TCP1: variants seen among roughly 807,000 people sequenced by gnomAD.
TCP1 encodes T-complex protein 1 subunit alpha.
Under a neutral mutation model 54.7 loss-of-function variants are expected in TCP1, and 6 were observed. The observed-to-expected ratio is 0.11, with a 90% confidence interval of 0.06 to 0.22. TCP1 has a LOEUF of 0.22. TCP1 is among the 10% of genes least tolerant of loss of function. The pLI is 1.00. For synonymous variants in TCP1, 225 were observed against 229.7 expected, an observed-to-expected ratio of 0.98 and a Z score of 0.19; for missense variants, 511 against 678.2, an observed-to-expected ratio of 0.75 and a Z score of 2.74.
chr6:159,788,302 A>T, intron 1 of TCP1, 159 bp from the exon 2 acceptor site: 1 of 638,238 alleles, frequency 1.6e-6, no homozygotes. Flanking sequence ...CTAAGAGTGT[A>T]AATGGGGCCA....
intron 1 of TCP1, chr6:159,788,728 A>G (rs1276772415): frequency 6.5e-6 from 1 of 152,976 alleles, no homozygotes; most frequent in Non-Finnish European, 1.5e-5. Context: ...GTCAACGGGG[A>G]AGGTGGTGAC....
intron 11 of TCP1, 89 bp from the exon 12 acceptor site, chr6:159,779,350 G>T: frequency 8.0e-7 from 1 of 1,243,454 alleles, no homozygotes; most frequent in Non-Finnish European, 1.2e-6. Context: ...TATTAAGGTT[G>T]ATTTTTAAAT....
chr6:159,778,880 T>TAG lies in TCP1; in HGVS notation c.*163_*164dup. ...ATTTCTTTTTAAACTAATAAAGTACTAGGTTGCAATATGTGAAATCAGAGG... is the reference window on the plus strand; with the variant it reads ...ATTTCTTTTTAAACTAATAAAGTACTAGAGGTTGCAATATGTGAAATCAGAGG... On this transcript the variant is annotated 3_prime_UTR_variant, in exon 12 of 12. Transcript: ENST00000321394. 1 of 1,607,288 alleles carries TAG rather than the reference T, an allele frequency of 6.2e-7. No homozygotes were observed. The highest frequency in any genetic ancestry group is 1.7e-4 in the Middle Eastern group (1 of 6,022).
At chr6:159,789,231 G>A (rs1260916324) in intron 1 of TCP1, 174 bp downstream of exon 1, 2 of 662,868 alleles carry the variant, frequency 3.0e-6, no homozygotes, top group South Asian at 2.1e-5. Context: ...TGTGGGAAAA[G>A]TGGGGCCACA....
In TCP1 at chr6:159,789,550, A is replaced by G. The variant is rs1780800735; in HGVS notation, c.-82T>C. 2.0e-6 allele frequency: 3 copies of G among 1,533,494 alleles called. No individual in the cohort carries two copies. In the South Asian group the frequency reaches 3.5e-5, roughly 18 times the overall value. 95.0% of individuals were successfully genotyped at this position (1,533,494 alleles called of 1,614,324 possible). ...GGCCCCTCGGCCGACCGGCGACCACAGCAGTGGCTGCGACGGCGTGGAGCG... is the reference window on the plus strand; with the variant it reads ...GGCCCCTCGGCCGACCGGCGACCACGGCAGTGGCTGCGACGGCGTGGAGCG... On this transcript the variant is annotated 5_prime_UTR_variant, in exon 1 of 12. Coordinates refer to ENST00000321394, the MANE Select transcript of TCP1 (RefSeq NM_030752.3).
Position 159,785,389 on chromosome 6 carries a change from C to A in TCP1, c.485G>T (p.Gly162Val). The change falls in exon 5 of 12, where the codon GGA (glycine) becomes GTA (valine). Residue 162 changes from glycine (G) to valine (V), a missense_variant. Gly to Val is a moderately radical substitution (Grantham distance 109). This residue lies in a region of TCP1 where 305 missense variants were observed against 352.8 expected (regional missense o/e 0.86). Transcript: ENST00000321394. ...AKTSMSSKII[G>V]INGDFFANMV... ...TATCTGACAACCACAAGGATACATT[C>A]CAATGATTTTGGAAGACATGGATGT... is the stretch of plus-strand genomic sequence containing the variant. The A allele has an allele frequency of 6.2e-7, 1 of 1,609,196 alleles. No homozygotes were observed. The highest frequency in any genetic ancestry group is 8.5e-7 in the Non-Finnish European group (1 of 1,177,142).
rs1472855394 is a variant in TCP1, at chr6:159,779,383, GTCTT to G, written c.1455-126_1455-123del. 4 of 1,025,114 alleles carry G rather than the reference GTCTT, an allele frequency of 3.9e-6. No homozygotes were observed. In the African/African-American group the frequency reaches 4.9e-5, roughly 12 times the overall value. 63.5% of individuals were successfully genotyped at this position (1,025,114 alleles called of 1,614,324 possible). ...AATCAGACTAGAGATCTTGTAGGTA[GTCTT>G]TCTACCAAAAGAAGCAGGGAGAGAT... On this transcript the variant is annotated intron_variant, in intron 11 of 11. Transcript: ENST00000321394.
chr6:159,789,311 G>T, intron 1 of TCP1, 94 bp downstream of exon 1: 4 of 1,457,970 alleles, frequency 2.7e-6, no homozygotes. Flanking sequence ...TTCTGCGGAG[G>T]TAAAGGAGAG....
chr6:159,784,625 C>A, intron 6 of TCP1, 41 bp downstream of exon 6: 2 of 1,587,240 alleles, frequency 1.3e-6, no homozygotes, highest in Non-Finnish European at 1.7e-6. Context: ...TAGTTTTAAT[C>A]TGTAGCAATC....
intron 3 of TCP1, among the ~76,000 whole-genome samples, chr6:159,786,409 T>G (rs1309602236): frequency 6.6e-6 from 1 of 152,216 alleles, no homozygotes; most frequent in African/African-American, 2.4e-5. Flanking sequence ...AAAAATGTTC[T>G]AAGAAACTAG....
Position 159,782,389 on chromosome 6 carries a change from G to A in TCP1, c.798-1279C>T, listed in dbSNP as rs538834012. On this transcript the variant is annotated intron_variant, in intron 7 of 11. Coordinates refer to ENST00000321394, the MANE Select transcript of TCP1 (RefSeq NM_030752.3). ...ATAAGCCCCAGGAAGAAAAAATACAGGAAGTTACAACAGAATATAATTTAG... is the reference window on the plus strand; with the variant it reads ...ATAAGCCCCAGGAAGAAAAAATACAAGAAGTTACAACAGAATATAATTTAG... Among the ~76,000 whole-genome samples the A allele has an allele frequency of 5.9e-5, 9 of 152,228 alleles. No individual in the cohort carries two copies. The East Asian group carries it at 1.7e-3, about 29-fold the overall frequency.
rs780526758 is a variant in TCP1, at chr6:159,781,074, G to A, written c.834C>T (p.Ile278=). 7 of 1,609,582 alleles carry A rather than the reference G, an allele frequency of 4.3e-6. No individual in the cohort carries two copies. In the Admixed American group the frequency reaches 5.1e-5, roughly 12 times the overall value. ...GAATAACATTGGCACCAGTTGCCAGGATCTTCTGAATTCTCTCCTTGGTGA... is the reference window on the plus strand; with the variant it reads ...GAATAACATTGGCACCAGTTGCCAGAATCTTCTGAATTCTCTCCTTGGTGA... ...SDITKERIQK[I]LATGANVILT... Residue 278 remains isoleucine (I), a synonymous_variant, in exon 8 of 12, where the codon ATC becomes ATT. Coordinates refer to ENST00000321394, the MANE Select transcript of TCP1 (RefSeq NM_030752.3).
intron 3 of TCP1, among the ~76,000 whole-genome samples, chr6:159,787,064 G>A (rs543803951): frequency 7.6e-5 from 9 of 117,856 alleles, no homozygotes; most frequent in East Asian, 4.7e-4. Context: ...GCAACATAGC[G>A]AGACCCTGTC....
chr6:159,789,109 C>T (rs997239361), intron 1 of TCP1: 1 of 442,286 alleles, frequency 2.3e-6, no homozygotes, highest in East Asian at 3.9e-5. Flanking sequence ...CACGTGCGAG[C>T]CCGGGAGGCC....
intron 2 of TCP1, 47 bp from the exon 3 acceptor site, chr6:159,787,918 A>C (rs1364267352): frequency 6.8e-6 from 11 of 1,610,922 alleles, no homozygotes; most frequent in East Asian, 2.2e-5. Flanking sequence ...AGAAATCAAC[A>C]CAGCCCCATT....
chr6:159,789,566 G>T lies in TCP1; in HGVS notation c.-98C>A. 1 of 1,425,282 alleles carries T rather than the reference G, an allele frequency of 7.0e-7. No homozygotes were observed. The highest frequency in any genetic ancestry group is 9.8e-7 in the Non-Finnish European group (1 of 1,025,316). The allele number at this position is 1,425,282 out of a possible 1,614,324, so 88.3% of individuals were successfully genotyped here. A position where few individuals can be genotyped will look rare whatever the true frequency, so the allele number is the denominator to read the frequency against. ...GGCGACCACAGCAGTGGCTGCGACG[G>T]CGTGGAGCGTACCCGAGCGATGTCC... On this transcript the variant is annotated 5_prime_UTR_variant, in exon 1 of 12. Transcript: ENST00000321394.
chr6:159,779,556 T>C, intron 11 of TCP1, 71 bp downstream of exon 11: 2 of 1,514,200 alleles, frequency 1.3e-6, no homozygotes, highest in Non-Finnish European at 1.8e-6. Flanking sequence ...TGCTGACATG[T>C]AATTGACTAC....
intron 5 of TCP1, 86 bp from the exon 6 acceptor site, chr6:159,784,933 C>T: frequency 7.6e-7 from 1 of 1,310,010 alleles, no homozygotes; most frequent in Non-Finnish European, 1.1e-6. Flanking sequence ...CAAGGGACTT[C>T]CTTTTAGTAA....
chr6:159,785,348 TAA>T, intron 5 of TCP1, 36 bp downstream of exon 5: 1 of 1,520,552 alleles, frequency 6.6e-7, no homozygotes, highest in Admixed American at 1.7e-5. Context: ...TCTTATGCTT[TAA>T]AAAGTCTAAA....
Sources: allele counts gnomAD v4.1 joint callset (sites outside exome capture counted in the v4.1 genomes callset), GRCh38; gene constraint gnomAD v4.1.1; regional missense constraint gnomAD v4.1.1; transcripts MANE v1.5; gene names NCBI Gene and HGNC (gene_info 2026-07-23, HGNC 2026-07-21).